EBF1: variants seen among roughly 807,000 people sequenced by gnomAD.
EBF1 encodes the protein EBF transcription factor 1.
Under a neutral mutation model 68.4 loss-of-function variants are expected in EBF1, and 10 were observed. That is an observed-to-expected ratio of 0.15 (90% CI 0.09 to 0.25). The LOEUF (loss-of-function observed/expected upper bound fraction) is 0.25. EBF1 is among the 10% of genes least tolerant of loss of function. The pLI, the probability that EBF1 is intolerant of heterozygous loss-of-function variation, is 1.00. For synonymous variants in EBF1, 298 were observed against 299.8 expected, an observed-to-expected ratio of 0.99 and a Z score of 0.06; for missense variants, 509 against 794.4, an observed-to-expected ratio of 0.64 and a Z score of 4.32.
intron 6 of EBF1, among the ~76,000 whole-genome samples, chr5:158,903,693 C>G (rs546723673): frequency 6.6e-6 from 1 of 152,072 alleles, no homozygotes; most frequent in East Asian, 1.9e-4. Context: ...TACAAATAGA[C>G]ACTTTATTGA....
At chr5:158,796,564 A>G (rs1258602134) in intron 8 of EBF1, 89 bp from the exon 9 acceptor site, 4 of 1,408,182 alleles carry the variant, frequency 2.8e-6, no homozygotes, top group Non-Finnish European at 2.8e-6. Flanking sequence ...GAAAAAAAAA[A>G]TCTTTTATCT....
intron 13 of EBF1, 88 bp from the exon 14 acceptor site, chr5:158,712,421 C>T: frequency 6.8e-7 from 1 of 1,476,454 alleles, no homozygotes; most frequent in Non-Finnish European, 9.2e-7. Flanking sequence ...GTCTCTGTTT[C>T]TGGCCCCGTC....
chr5:158,901,273 T>G (rs930544971), intron 6 of EBF1, among the ~76,000 whole-genome samples: 4 of 152,244 alleles, frequency 2.6e-5, no homozygotes, highest in Admixed American at 2.6e-4. Context: ...TCTCTGTAAT[T>G]GTCCTCATGT....
At chr5:158,963,733 A>G (rs983291222) in intron 6 of EBF1, among the ~76,000 whole-genome samples, 1 of 152,254 alleles carries the variant, frequency 6.6e-6, no homozygotes, top group Non-Finnish European at 1.5e-5. Context: ...GCTATTAATG[A>G]ATGGCAGTAT....
rs114720049 is a variant in EBF1, at chr5:158,899,792, G to A, written c.555-59682C>T. Among the ~76,000 whole-genome samples, 1,006 of 152,290 alleles carry A rather than the reference G, an allele frequency of 6.6e-3. 10 individuals carry two copies. Among genetic ancestry groups the A allele is most frequent in the African/African-American group, 0.023 (965 of 41,560 alleles). Reference sequence around the variant, plus strand: ...TGGAATATTCTAAAAGTTCTGGGTGGTCAGAGCCATGTGTTTTAGGATGGC... The same window carrying A: ...TGGAATATTCTAAAAGTTCTGGGTGATCAGAGCCATGTGTTTTAGGATGGC... On this transcript the variant is annotated intron_variant, in intron 6 of 15. Transcript: ENST00000313708.
At chr5:158,882,596 T>C (rs1324740191) in intron 6 of EBF1, among the ~76,000 whole-genome samples, 2 of 152,190 alleles carry the variant, frequency 1.3e-5, no homozygotes, top group African/African-American at 4.8e-5. Context: ...TATGCAAAGT[T>C]TCTCGAAGGA....
intron 10 of EBF1, among the ~76,000 whole-genome samples, chr5:158,740,254 C>T (rs989724965): frequency 3.3e-5 from 5 of 152,194 alleles, no homozygotes; most frequent in African/African-American, 1.2e-4. Flanking sequence ...CCGAGTCAGG[C>T]TCCAAGGCGA....
In EBF1 at chr5:158,898,845, G is replaced by A. The variant is rs541428665; in HGVS notation, c.555-58735C>T. On this transcript the variant is annotated intron_variant, in intron 6 of 15. Transcript: ENST00000313708. ...GTTACAGGGCAGTGAAAGACTGCCT[G>A]AGGTGGTGGTCCTACCAGCCCTGCA... 9.2e-5 allele frequency among the ~76,000 whole-genome samples: 14 copies of A among 152,346 alleles called. No homozygotes were observed. In the South Asian group the frequency reaches 2.7e-3, roughly 29 times the overall value.
chr5:158,969,896 G>GA (rs764549225), intron 6 of EBF1, among the ~76,000 whole-genome samples: 1,897 of 100,038 alleles, frequency 0.019, 73 homozygotes, highest in Non-Finnish European at 0.029. Context: ...AAGAAAGAAA[G>GA]AAAGAAAGAA....
In EBF1 at chr5:158,736,198, C is replaced by T. The variant is rs139947096; in HGVS notation, c.1037-5041G>A. 1.6e-4 allele frequency among the ~76,000 whole-genome samples: 25 copies of T among 152,294 alleles called. No individual in the cohort carries two copies. The South Asian group carries it at 4.8e-3, about 29-fold the overall frequency. On this transcript the variant is annotated intron_variant, in intron 10 of 15. Coordinates refer to ENST00000313708, the MANE Select transcript of EBF1 (RefSeq NM_024007.5). ...ATCATATAGTCAAGCCAGATGCATTCTCAGTTATGAAAAATGATTTTTCTC... is the reference window on the plus strand; with the variant it reads ...ATCATATAGTCAAGCCAGATGCATTTTCAGTTATGAAAAATGATTTTTCTC...
intron 10 of EBF1, among the ~76,000 whole-genome samples, chr5:158,737,433 A>G (rs1466244585): frequency 2.6e-5 from 4 of 151,230 alleles, no homozygotes; most frequent in Admixed American, 2.0e-4. Context: ...ACAGGCGCCC[A>G]CCACCACGCC....
chr5:158,881,233 C>T (rs545853438), intron 6 of EBF1, among the ~76,000 whole-genome samples: 1 of 152,136 alleles, frequency 6.6e-6, no homozygotes, highest in Admixed American at 6.5e-5. Flanking sequence ...CAAACTCAAC[C>T]TTTCTTTGAA....
chr5:158,872,161 T>C (rs1796984030), intron 6 of EBF1, among the ~76,000 whole-genome samples: 1 of 152,020 alleles, frequency 6.6e-6, no homozygotes, highest in Admixed American at 6.5e-5. Context: ...GACTGGACTT[T>C]CCTATCTACC....
intron 6 of EBF1, among the ~76,000 whole-genome samples, chr5:158,905,275 T>G (rs1441489262): frequency 6.6e-6 from 1 of 152,204 alleles, no homozygotes; most frequent in East Asian, 1.9e-4. Flanking sequence ...GGTAATCAAA[T>G]TTGCTTATGC....
At chr5:158,704,032 G>T (rs1318905681) in intron 15 of EBF1, among the ~76,000 whole-genome samples, 1 of 152,168 alleles carries the variant, frequency 6.6e-6, no homozygotes, top group Non-Finnish European at 1.5e-5. Context: ...TATAGCATAG[G>T]GGCTTAACAT....
intron 5 of EBF1, among the ~76,000 whole-genome samples, chr5:159,077,693 T>A (rs1489103369): frequency 6.8e-6 from 1 of 147,998 alleles, no homozygotes; most frequent in African/African-American, 2.5e-5. Flanking sequence ...GAACAGGCAG[T>A]GGGGAAGAAT....
intron 6 of EBF1, among the ~76,000 whole-genome samples, chr5:158,874,884 T>C (rs1207221840): frequency 6.6e-6 from 1 of 152,170 alleles, no homozygotes; most frequent in African/African-American, 2.4e-5. Context: ...TATGGTGTTA[T>C]CTTCTCTATC....
chr5:158,737,080 T>C (rs1751119839), intron 10 of EBF1, among the ~76,000 whole-genome samples: 1 of 152,056 alleles, frequency 6.6e-6, no homozygotes, highest in Non-Finnish European at 1.5e-5. Context: ...TGAAATGCTT[T>C]TACAGCCTGG....
At chr5:159,052,351 G>A (rs200000855) in intron 6 of EBF1, among the ~76,000 whole-genome samples, 1,601 of 143,130 alleles carry the variant, frequency 0.011, 11 homozygotes, top group Admixed American at 0.018. Flanking sequence ...AAAAGATATA[G>A]AAAAAAAAAA....
Sources: allele counts gnomAD v4.1 joint callset (sites outside exome capture counted in the v4.1 genomes callset), GRCh38; gene constraint gnomAD v4.1.1; transcripts MANE v1.5; gene names NCBI Gene and HGNC (gene_info 2026-07-23, HGNC 2026-07-21).